Variants in WBP2 observed in about 807,000 individuals in gnomAD.
The protein encoded by WBP2 is WW domain-binding protein 2.
Under a neutral mutation model 33.0 loss-of-function variants are expected in WBP2, and 23 were observed. The ratio of observed to expected loss-of-function variants is 0.70; its 90% CI spans 0.50 to 0.99. WBP2 has a LOEUF of 0.99. Among genes scored for constraint, WBP2 ranks in the 50% least tolerant of loss-of-function variants. The probability of loss-of-function intolerance (pLI) is 0.00; values close to 1 mark genes in which losing one functional copy is unlikely to be tolerated. For missense variants in WBP2, 353 were observed against 358.0 expected (o/e 0.99, Z 0.11); for synonymous variants, 153 against 133.5 (o/e 1.15, Z -1.01).
chr17:75,847,309 G>A (rs1222398092), intron 6 of WBP2, 178 bp downstream of exon 6: 2 of 1,050,242 alleles, frequency 1.9e-6, no homozygotes, highest in Non-Finnish European at 2.8e-6. Context: ...GGATGGGGGT[G>A]GGGCCAGAAT....
intron 3 of WBP2, chr17:75,849,247 A>G (rs1599422262): frequency 4.4e-6 from 1 of 226,488 alleles, no homozygotes; most frequent in East Asian, 1.1e-4. Context: ...CTGGCTTCCC[A>G]GAGGCAGCTG....
intron 5 of WBP2, 89 bp from the exon 6 acceptor site, chr17:75,847,698 G>C (rs2065002930): frequency 6.3e-7 from 1 of 1,580,350 alleles, no homozygotes; most frequent in South Asian, 1.1e-5. Context: ...TCCTTCGTTG[G>C]TCCTGAAGCA....
At chr17:75,847,678 C>T in intron 5 of WBP2, 69 bp from the exon 6 acceptor site, 1 of 1,602,112 alleles carries the variant, frequency 6.2e-7, no homozygotes, top group Non-Finnish European at 8.5e-7. Flanking sequence ...GTGAGGGGGG[C>T]CTCTCCAGCT....
chr17:75,846,973 C>T lies in WBP2; in HGVS notation c.667G>A (p.Ala223Thr). ...TAGGCGCTGGCGGCTGCTTCTGCGG[C>T]CTTGGCTTCGGCTGTGAGAGCAAAC... ...VPSTPAAEAK[A>T]AEAAASAYYN... Residue 223 changes from alanine to threonine, a missense_variant, in exon 7 of 8, where the codon GCC becomes ACC. Physicochemically the swap from Ala to Thr is moderately conservative, Grantham distance 58. Coordinates refer to ENST00000254806, the MANE Select transcript of WBP2 (RefSeq NM_012478.4). This position sits in a 1 kb window ranked among gnomAD's most constrained non-coding sequence, Gnocchi z 4.8. 6.2e-7 allele frequency: 1 copy of T among 1,614,090 alleles called. No homozygotes were observed. The highest frequency in any genetic ancestry group is 8.5e-7 in the Non-Finnish European group (1 of 1,179,992).
upstream of WBP2, among the ~76,000 whole-genome samples, chr17:75,856,098 C>G (rs1222674807): frequency 6.6e-6 from 1 of 152,222 alleles, no homozygotes; most frequent in African/African-American, 2.4e-5. Flanking sequence ...GGGTCCCGGC[C>G]GGAAGACTGA....
Position 75,848,841 on chromosome 17 carries a change from C to T in WBP2, c.305-179G>A. 6.4e-6 allele frequency: 4 copies of T among 625,314 alleles called. No homozygotes were observed. The South Asian group carries it at 7.4e-5, about 12-fold the overall frequency. The allele number at this position is 625,314 out of a possible 1,614,324, so 38.7% of individuals were successfully genotyped here. On this transcript the variant is annotated intron_variant, in intron 3 of 7. Coordinates refer to ENST00000254806, the MANE Select transcript of WBP2 (RefSeq NM_012478.4). ...TCCAGCCTGCTGCCTGCATAGGAGC[C>T]AGCACTGCAGCCTGGCCTGGCCCTG... is the stretch of plus-strand genomic sequence containing the variant.
intron 1 of WBP2, chr17:75,854,995 C>G (rs1190893617): frequency 1.7e-6 from 1 of 571,876 alleles, no homozygotes; most frequent in African/African-American, 1.9e-5. Context: ...TAGGCCCCAC[C>G]GGGGGCCCCA....
chr17:75,854,220 A>T (rs1444449495), intron 1 of WBP2, among the ~76,000 whole-genome samples: 1 of 152,132 alleles, frequency 6.6e-6, no homozygotes, highest in Non-Finnish European at 1.5e-5. Context: ...CCCAAGTCAC[A>T]GGGCAGCTGG....
At chr17:75,851,972 C>G (rs2065030661) in intron 1 of WBP2, 2 of 233,030 alleles carry the variant, frequency 8.6e-6, no homozygotes, top group Non-Finnish European at 1.8e-5. Flanking sequence ...GGCACCGTGG[C>G]GGGCACCTGT....
rs370266562 is a variant in WBP2 at position 75,851,648 on chromosome 17, G to A, written c.88C>T (p.Leu30Phe). The A allele has an allele frequency of 4.2e-5, 67 of 1,613,506 alleles. No individual in the cohort carries two copies. Among genetic ancestry groups the A allele is most frequent in the East Asian group, 6.7e-5 (3 of 44,890 alleles). ...SILMSYDHVE[L>F]TFNDMKNVPE... ...ACGTTCTTCATGTCATTGAATGTGA[G>A]TTCCACGTGATCATAGGACATTAGG... The change falls in exon 2 of 8, where the codon CTC (leucine) becomes TTC (phenylalanine). Residue 30 changes from leucine (L) to phenylalanine (F), a missense_variant. Coordinates refer to ENST00000254806, the MANE Select transcript of WBP2 (RefSeq NM_012478.4).
chr17:75,847,996 C>A, intron 4 of WBP2, 66 bp from the exon 5 acceptor site: 1 of 1,543,696 alleles, frequency 6.5e-7, no homozygotes, highest in Admixed American at 2.0e-5. Context: ...GGCAGCCCCG[C>A]TGCCTGCAGA....
chr17:75,850,447 G>GT (rs2065021598), intron 2 of WBP2, among the ~76,000 whole-genome samples: 1 of 151,954 alleles, frequency 6.6e-6, no homozygotes, highest in African/African-American at 2.4e-5. Context: ...GGGTTTCACC[G>GT]TGTTAGCCAG....
chr17:75,852,093 A>G (rs996505608), intron 1 of WBP2: 1 of 169,870 alleles, frequency 5.9e-6, no homozygotes, highest in Non-Finnish European at 1.3e-5. Flanking sequence ...AACAAGAGAG[A>G]AGCTCTGTCT....
rs546800241 is a variant in WBP2, at chr17:75,848,754, C to A, written c.305-92G>T. 1.7e-5 allele frequency: 20 copies of A among 1,187,976 alleles called. No homozygotes were observed. In the Admixed American group the frequency reaches 4.0e-4, roughly 24 times the overall value. 73.6% of individuals were successfully genotyped at this position (1,187,976 alleles called of 1,614,324 possible). On this transcript the variant is annotated intron_variant, in intron 3 of 7. Coordinates refer to ENST00000254806, the MANE Select transcript of WBP2 (RefSeq NM_012478.4). ...TTTTCCTCTCCAGGACTTCATCCAA[C>A]GCCCGGGAGGCCTGCGGGGGCTGGG...
chr17:75,848,674 A>G lies in WBP2; in HGVS notation c.305-12T>C. On this transcript the variant is annotated splice_polypyrimidine_tract_variant and intron_variant, in intron 3 of 7. Transcript: ENST00000254806. Reference sequence around the variant, plus strand: ...GCCTTCCCAGCCACCTGAAAGGGGAAGGACAGTGAATAAACAGCACAGGAA... The same window carrying G: ...GCCTTCCCAGCCACCTGAAAGGGGAGGGACAGTGAATAAACAGCACAGGAA... 6.2e-7 allele frequency: 1 copy of G among 1,608,382 alleles called. No individual in the cohort carries two copies. Among genetic ancestry groups the G allele is most frequent in the South Asian group, 1.1e-5 (1 of 90,602 alleles).
At chr17:75,853,931 A>G (rs1055937428) in intron 1 of WBP2, among the ~76,000 whole-genome samples, 36 of 151,006 alleles carry the variant, frequency 2.4e-4, no homozygotes, top group African/African-American at 7.5e-4. Context: ...TGTAATGCCA[A>G]CTACTGGGGA....
intron 4 of WBP2, 200 bp from the exon 5 acceptor site, chr17:75,848,130 C>A: frequency 1.4e-6 from 1 of 713,208 alleles, no homozygotes; most frequent in Non-Finnish European, 2.3e-6. Flanking sequence ...AGGTCAGAGC[C>A]AGGGGAAGGC....
intron 2 of WBP2, among the ~76,000 whole-genome samples, chr17:75,850,605 C>T (rs916476393): frequency 6.6e-6 from 1 of 152,080 alleles, no homozygotes; most frequent in Admixed American, 6.6e-5. Flanking sequence ...GTTGAGCCTC[C>T]AGAGATGGGG....
intron 4 of WBP2, 97 bp from the exon 5 acceptor site, chr17:75,848,027 G>A (rs961025132): frequency 6.8e-7 from 1 of 1,468,252 alleles, no homozygotes; most frequent in South Asian, 1.2e-5. Flanking sequence ...TGGGTCTCAG[G>A]AATGTGCCCC....
Sources: allele counts gnomAD v4.1 joint callset (sites outside exome capture counted in the v4.1 genomes callset), GRCh38; gene constraint gnomAD v4.1.1; non-coding constraint Gnocchi (gnomAD v3.1); transcripts MANE v1.5; gene names NCBI Gene and HGNC (gene_info 2026-07-23, HGNC 2026-07-21).